Variants in GAS7 observed in about 807,000 individuals in gnomAD.
GAS7 encodes growth arrest specific 7.
GAS7 carries 28 observed loss-of-function variants against 71.1 expected under a neutral mutation model. The observed-to-expected ratio is 0.39, with a 90% CI of 0.29 to 0.54. The LOEUF is 0.54. GAS7 is among the 20% of genes least tolerant of loss of function. The pLI is 0.62. For missense variants in GAS7, 436 were observed against 627.8 expected (o/e 0.69, Z 3.27); for synonymous variants, 258 against 245.8 (o/e 1.05, Z -0.46).
chr17:9,962,280 CT>C (rs2069530883), intron 4 of GAS7, among the ~76,000 whole-genome samples: 1 of 152,032 alleles, frequency 6.6e-6, no homozygotes, highest in African/African-American at 2.4e-5. Flanking sequence ...GACACACACA[CT>C]ATCATAATTC....
At chr17:9,968,174 G>C (rs1421389342) in intron 4 of GAS7, among the ~76,000 whole-genome samples, 2 of 152,200 alleles carry the variant, frequency 1.3e-5, no homozygotes, top group Non-Finnish European at 2.9e-5. Flanking sequence ...CAGGATAACA[G>C]AATCTGTGTT....
intron 1 of GAS7, among the ~76,000 whole-genome samples, chr17:10,146,397 C>A (rs2074121213): frequency 6.6e-6 from 1 of 152,166 alleles, no homozygotes; most frequent in Non-Finnish European, 1.5e-5. Context: ...CTGCATTTCA[C>A]ATCTTTCTTT....
At chr17:10,147,152 TA>T (rs1462483523) in intron 1 of GAS7, among the ~76,000 whole-genome samples, 1 of 152,218 alleles carries the variant, frequency 6.6e-6, no homozygotes, top group Non-Finnish European at 1.5e-5. Flanking sequence ...CCATTTTTTT[TA>T]ATATGTTAAT....
intron 1 of GAS7, among the ~76,000 whole-genome samples, chr17:10,191,175 CAA>C (rs57171049): frequency 2.4e-5 from 3 of 127,222 alleles, no homozygotes; most frequent in Non-Finnish European, 3.4e-5. Flanking sequence ...AACTCCGTCT[CAA>C]AAAAAAAAAA....
chr17:10,186,194 T>C (rs1176486262), intron 1 of GAS7, among the ~76,000 whole-genome samples: 1 of 151,860 alleles, frequency 6.6e-6, no homozygotes, highest in South Asian at 2.1e-4. Flanking sequence ...CCTGATCTTG[T>C]GATCCGCCTG....
At chr17:10,194,501 A>G (rs1222503955) in intron 1 of GAS7, among the ~76,000 whole-genome samples, 1 of 152,176 alleles carries the variant, frequency 6.6e-6, no homozygotes, top group Non-Finnish European at 1.5e-5. Context: ...CACCTTCCCC[A>G]GGAGCTATTT....
At chr17:10,020,186 C>T (rs2072210812) in intron 1 of GAS7, 1 of 288,612 alleles carries the variant, frequency 3.5e-6, no homozygotes, top group Admixed American at 4.9e-5. Flanking sequence ...TCCACGGCCC[C>T]CTAGAAAATC....
chr17:10,054,554 G>C (rs1288893969), intron 1 of GAS7, among the ~76,000 whole-genome samples: 3 of 152,200 alleles, frequency 2.0e-5, no homozygotes, highest in Admixed American at 2.0e-4. Context: ...AACCCCCCAT[G>C]ATTCTGTATT....
At chr17:10,110,655 A>G (rs1237468145) in intron 1 of GAS7, among the ~76,000 whole-genome samples, 2 of 152,110 alleles carry the variant, frequency 1.3e-5, no homozygotes, top group African/African-American at 4.8e-5. Context: ...TATTTTTAGT[A>G]GAGACGGTGT....
rs895013372 is a variant in GAS7, at chr17:9,969,010, G to A, written c.471+667C>T. Among the ~76,000 whole-genome samples, 7 of 152,136 alleles carry A rather than the reference G, an allele frequency of 4.6e-5. No homozygotes were observed. Among genetic ancestry groups the A allele is most frequent in the African/African-American group, 7.2e-5 (3 of 41,422 alleles). On this transcript the variant is annotated intron_variant, in intron 4 of 13. Coordinates refer to ENST00000432992, the MANE Select transcript of GAS7 (RefSeq NM_201433.2). The surrounding 1 kb of genome is among the most constrained non-coding windows in gnomAD (Gnocchi z 5.5). Reference sequence around the variant, plus strand: ...CTCAGTTTTTTAGGCACAGCTTCACGCAACTAGAAAAGCCGTAAGCACTGA... The same window carrying A: ...CTCAGTTTTTTAGGCACAGCTTCACACAACTAGAAAAGCCGTAAGCACTGA...
intron 1 of GAS7, among the ~76,000 whole-genome samples, chr17:10,133,108 T>TTATACATATA (rs2074010222): frequency 8.1e-6 from 1 of 124,154 alleles, no homozygotes; most frequent in East Asian, 2.5e-4. Context: ...TATAATTAGA[T>TTATACATATA]TATATATTTT....
intron 2 of GAS7, among the ~76,000 whole-genome samples, chr17:9,986,341 T>C (rs890382413): frequency 7.9e-5 from 12 of 152,290 alleles, no homozygotes; most frequent in African/African-American, 2.9e-4. Flanking sequence ...GATCTTCTGG[T>C]TGGGGCAGAG....
chr17:10,109,388 G>A (rs993550456), intron 1 of GAS7, among the ~76,000 whole-genome samples: 13 of 152,090 alleles, frequency 8.5e-5, no homozygotes, highest in African/African-American at 1.9e-4. Flanking sequence ...AATGACAGCC[G>A]TTAGAACAGC....
At position 10,079,049 on chromosome 17, in the gene GAS7, T is replaced by C. The variant is rs79935279; in HGVS notation, c.184-59152A>G. 8.6e-3 allele frequency among the ~76,000 whole-genome samples: 1,304 copies of C among 152,286 alleles called. 12 individuals carry two copies. The highest frequency in any genetic ancestry group is 0.041 in the Middle Eastern group (12 of 294). ...AGATCAAGATGACAACTGTTCAGAC[T>C]TGAAGAGCGACAGACCAAAGCAGAG... On this transcript the variant is annotated intron_variant, in intron 1 of 13. Coordinates refer to ENST00000432992, the MANE Select transcript of GAS7 (RefSeq NM_201433.2).
intron 1 of GAS7, among the ~76,000 whole-genome samples, chr17:10,037,011 A>C (rs568275331): frequency 5.8e-4 from 88 of 152,076 alleles, no homozygotes; most frequent in Non-Finnish European, 9.1e-4. Flanking sequence ...CCCCGGCCCC[A>C]GCTGTGTGAA....
At chr17:9,917,694 T>C (rs950892619) in intron 13 of GAS7, among the ~76,000 whole-genome samples, 1 of 152,250 alleles carries the variant, frequency 6.6e-6, no homozygotes, top group African/African-American at 2.4e-5. Flanking sequence ...GTTGTTTTTT[T>C]TGGTTTTGTT....
At chr17:9,978,742 G>T (rs1483510579) in intron 3 of GAS7, among the ~76,000 whole-genome samples, 1 of 152,084 alleles carries the variant, frequency 6.6e-6, no homozygotes, top group Non-Finnish European at 1.5e-5. Flanking sequence ...AATATGTCAG[G>T]GGAAAATGTA....
intron 1 of GAS7, among the ~76,000 whole-genome samples, chr17:10,162,066 C>CAAAAAAAAAAAAAAAAA (rs58368044): frequency 9.7e-6 from 1 of 103,618 alleles, no homozygotes. Context: ...GACTCCATCT[C>CAAAAAAAAAAAAAAAAA]AAAAAAAAAA....
chr17:10,131,494 T>C (rs926144853), intron 1 of GAS7, among the ~76,000 whole-genome samples: 3 of 152,184 alleles, frequency 2.0e-5, no homozygotes, highest in African/African-American at 4.8e-5. Context: ...GTGTGGCACA[T>C]GCCTGTAATC....
Sources: gnomAD v4.1 joint callset for allele counts (sites outside exome capture counted in the v4.1 genomes callset) on GRCh38, gnomAD v4.1.1 for gene constraint, Gnocchi (gnomAD v3.1) non-coding constraint, MANE v1.5 for transcripts, NCBI Gene and HGNC (gene_info 2026-07-23, HGNC 2026-07-21) for gene names.